Variants in KCNMA1 observed in about 807,000 individuals in gnomAD.
The protein encoded by KCNMA1 is potassium calcium-activated channel subfamily M alpha 1.
A neutral mutation model predicts 140.0 loss-of-function variants in KCNMA1; 29 were observed. That is an observed-to-expected ratio of 0.21 (90% CI 0.15 to 0.28). KCNMA1 has a LOEUF of 0.28. Among genes scored for constraint, KCNMA1 ranks in the 10% least tolerant of loss-of-function variants. The pLI, the probability that KCNMA1 is intolerant of heterozygous loss-of-function variation, is 1.00. For synonymous variants in KCNMA1, 612 were observed against 611.9 expected (o/e 1.00, Z 0.00); for missense variants, 880 against 1,602.2 (o/e 0.55, Z 7.70).
rs36034012 is a variant in KCNMA1 at position 77,295,787 on chromosome 10, C to CAAAAAAAAAAA, written c.541-44542_541-44532dup. ...TGGGCGACAGAGCGAGACTCCGTCT[C>CAAAAAAAAAAA]AAAAAAAAAAAAAAAAAAAAAAAAA... On this transcript the variant is annotated intron_variant, in intron 2 of 27. Transcript: ENST00000286628. Among the ~76,000 whole-genome samples, 150 of 43,246 alleles carry CAAAAAAAAAAA rather than the reference C, an allele frequency of 3.5e-3. 17 individuals carry two copies. The highest frequency in any genetic ancestry group is 8.4e-3 in the African/African-American group (99 of 11,726). The allele number at this position is 43,246 out of a possible 152,430, so 28.4% of individuals were successfully genotyped here. A position where few individuals can be genotyped will look rare whatever the true frequency, so the allele number is the denominator to read the frequency against.
intron 1 of KCNMA1, among the ~76,000 whole-genome samples, chr10:77,517,008 A>AG (rs1282881841): frequency 8.1e-6 from 1 of 122,904 alleles, no homozygotes; most frequent in Non-Finnish European, 2.0e-5. Context: ...AAAAAAAAAA[A>AG]AACAAAAGGT....
At chr10:77,402,644 T>C (rs558240272) in intron 2 of KCNMA1, among the ~76,000 whole-genome samples, 2 of 152,256 alleles carry the variant, frequency 1.3e-5, no homozygotes, top group East Asian at 1.9e-4. Flanking sequence ...AGACATAACA[T>C]TGAGTTCTCC....
chr10:76,896,728 C>T (rs748081426), intron 25 of KCNMA1, among the ~76,000 whole-genome samples: 5 of 151,944 alleles, frequency 3.3e-5, no homozygotes, highest in Non-Finnish European at 7.4e-5. Context: ...TCAGTGGTGG[C>T]TTAGGGTTGG....
intron 2 of KCNMA1, among the ~76,000 whole-genome samples, chr10:77,348,415 G>A (rs186998015): frequency 8.5e-5 from 13 of 152,272 alleles, no homozygotes; most frequent in African/African-American, 2.9e-4. Flanking sequence ...ATCAGGAGAG[G>A]TGTGTATGCC....
At position 77,109,058 on chromosome 10, in the gene KCNMA1, TA is replaced by T. The variant is rs71477068; in HGVS notation, c.1132-487del. ...AAGATTAAAAACTACATTTTTCTATTAAAAAAAAAAAAACACTGAAAAGCTC... is the reference window on the plus strand; with the variant it reads ...AAGATTAAAAACTACATTTTTCTATTAAAAAAAAAAAACACTGAAAAGCTC... On this transcript the variant is annotated intron_variant, in intron 8 of 27. Transcript: ENST00000286628. Among the ~76,000 whole-genome samples, 263 of 142,742 alleles carry T rather than the reference TA, an allele frequency of 1.8e-3. 1 individual carries two copies. The highest frequency in any genetic ancestry group is 3.6e-3 in the Middle Eastern group (1 of 278). 93.6% of individuals were successfully genotyped at this position (142,742 alleles called of 152,430 possible).
chr10:77,156,971 G>T (rs1227750125), intron 5 of KCNMA1, among the ~76,000 whole-genome samples: 2 of 152,102 alleles, frequency 1.3e-5, no homozygotes, highest in African/African-American at 4.8e-5. Flanking sequence ...TAGCCTTTGG[G>T]GAGACTGATT....
At chr10:77,175,141 T>C (rs1391575716) in intron 5 of KCNMA1, among the ~76,000 whole-genome samples, 1 of 152,092 alleles carries the variant, frequency 6.6e-6, no homozygotes, top group Admixed American at 6.5e-5. Flanking sequence ...AGAACCCTCA[T>C]GTGTAACAAG....
chr10:77,018,121 G>A (rs2092389979), intron 17 of KCNMA1, among the ~76,000 whole-genome samples: 1 of 152,106 alleles, frequency 6.6e-6, no homozygotes, highest in Admixed American at 6.6e-5. Context: ...TGTTTGAGAA[G>A]ACTTACCTTC....
intron 15 of KCNMA1, among the ~76,000 whole-genome samples, chr10:77,036,212 G>A (rs908520718): frequency 6.6e-6 from 1 of 152,222 alleles, no homozygotes; most frequent in Non-Finnish European, 1.5e-5. Context: ...TTTGCCAGGG[G>A]CTCTTGGGCC....
chr10:77,293,871 A>G (rs907952489), intron 2 of KCNMA1, among the ~76,000 whole-genome samples: 1 of 152,264 alleles, frequency 6.6e-6, no homozygotes, highest in African/African-American at 2.4e-5. Flanking sequence ...CTTTAATCAG[A>G]ATGCCATTAA....
At chr10:77,282,365 T>C (rs998361614) in intron 2 of KCNMA1, among the ~76,000 whole-genome samples, 3 of 152,124 alleles carry the variant, frequency 2.0e-5, no homozygotes, top group Non-Finnish European at 4.4e-5. Flanking sequence ...AAATTCTGTT[T>C]CTCCTATCTG....
intron 19 of KCNMA1, among the ~76,000 whole-genome samples, chr10:76,994,070 G>T (rs552626153): frequency 2.6e-5 from 4 of 152,272 alleles, no homozygotes; most frequent in African/African-American, 9.6e-5. Flanking sequence ...GAGCCACACG[G>T]CCTGTGTTGA....
intron 2 of KCNMA1, among the ~76,000 whole-genome samples, chr10:77,292,351 AGTAT>A (rs1422510565): frequency 1.3e-5 from 2 of 152,210 alleles, no homozygotes; most frequent in Non-Finnish European, 2.9e-5. Flanking sequence ...CTGAGGACCT[AGTAT>A]GTGTCAAGAC....
intron 1 of KCNMA1, among the ~76,000 whole-genome samples, chr10:77,526,388 C>T (rs1046546098): frequency 3.9e-5 from 6 of 152,236 alleles, no homozygotes; most frequent in Admixed American, 3.9e-4. Context: ...ACACTCAACA[C>T]TAAAACTACT....
At position 77,025,512 on chromosome 10, in the gene KCNMA1, T is replaced by C. The variant is rs139406271; in HGVS notation, c.1928+2311A>G. 253 of 1,390,398 alleles carry C rather than the reference T, an allele frequency of 1.8e-4. 1 individual carries two copies. In the East Asian group the frequency reaches 5.9e-3, roughly 32 times the overall value. 86.1% of individuals were successfully genotyped at this position (1,390,398 alleles called of 1,614,324 possible). On this transcript the variant is annotated intron_variant, in intron 16 of 27. Coordinates refer to ENST00000286628, the MANE Select transcript of KCNMA1 (RefSeq NM_001161352.2). ...TCAAACAATTTGATAATAAATCGAC[T>C]GACACCAGAAGGAAAGAAGGAATAA...
intron 1 of KCNMA1, among the ~76,000 whole-genome samples, chr10:77,461,146 A>G (rs77686160): frequency 0.052 from 7,916 of 151,818 alleles, 490 homozygotes; most frequent in African/African-American, 0.15. Flanking sequence ...AATGTACACT[A>G]TTTGGGTGAT....
At chr10:77,536,228 C>T (rs552545615) in intron 1 of KCNMA1, among the ~76,000 whole-genome samples, 21 of 152,116 alleles carry the variant, frequency 1.4e-4, no homozygotes, top group Admixed American at 3.9e-4. Context: ...GTGTATTTTG[C>T]GGAATTATTT....
intron 5 of KCNMA1, among the ~76,000 whole-genome samples, chr10:77,126,296 C>A (rs1408496924): frequency 6.6e-6 from 1 of 152,096 alleles, no homozygotes; most frequent in Non-Finnish European, 1.5e-5. Context: ...GAGATTTTTA[C>A]AGTTTCAAAA....
At chr10:77,335,544 G>A (rs1367527738) in intron 2 of KCNMA1, among the ~76,000 whole-genome samples, 1 of 151,916 alleles carries the variant, frequency 6.6e-6, no homozygotes, top group African/African-American at 2.4e-5. Flanking sequence ...TGAGGCCTAG[G>A]GATGTTTGCA....
Sources: gnomAD v4.1 joint callset for allele counts (sites outside exome capture counted in the v4.1 genomes callset) on GRCh38, gnomAD v4.1.1 for gene constraint, MANE v1.5 for transcripts, NCBI Gene and HGNC (gene_info 2026-07-23, HGNC 2026-07-21) for gene names.